The following PDE1C variants were observed in gnomAD, a reference collection of about 807,000 sequenced individuals.
The protein encoded by PDE1C is phosphodiesterase 1C.
A neutral mutation model predicts 93.1 loss-of-function variants in PDE1C; 62 were observed. The observed-to-expected ratio is 0.67, with a 90% confidence interval of 0.54 to 0.82. The LOEUF (loss-of-function observed/expected upper bound fraction) is 0.82, where lower values mean the gene tolerates loss of function less well. PDE1C is among the 40% of genes least tolerant of loss of function. The pLI is 0.00. For synonymous variants in PDE1C, 325 were observed against 310.1 expected (o/e 1.05, Z -0.50); for missense variants, 742 against 884.6 (o/e 0.84, Z 2.04).
At chr7:32,300,563 G>A (rs1020865095), upstream of PDE1C, among the ~76,000 whole-genome samples, 4 of 152,138 alleles carry the variant, frequency 2.6e-5, no homozygotes, top group Non-Finnish European at 5.9e-5. Context: ...CAGCTACATG[G>A]CCTTGACCTC....
chr7:31,798,068 G>A (rs935249433), intron 16 of PDE1C, among the ~76,000 whole-genome samples: 1 of 151,662 alleles, frequency 6.6e-6, no homozygotes, highest in African/African-American at 2.4e-5. Flanking sequence ...CCCCTTACAT[G>A]TTCAGTTCAC....
chr7:31,979,300 G>C (rs1012455423), intron 2 of PDE1C, among the ~76,000 whole-genome samples: 2 of 151,950 alleles, frequency 1.3e-5, no homozygotes, highest in African/African-American at 4.8e-5. Flanking sequence ...CATGAGAATT[G>C]GACCAGTTAT....
intron 2 of PDE1C, among the ~76,000 whole-genome samples, chr7:31,891,406 AC>A (rs1362213457): frequency 6.6e-6 from 1 of 152,146 alleles, no homozygotes; most frequent in African/African-American, 2.4e-5. Flanking sequence ...TTAAACCTTT[AC>A]TTTCTGCTCC....
chr7:32,052,136 T>C (rs1793468414), intron 1 of PDE1C, among the ~76,000 whole-genome samples: 1 of 152,108 alleles, frequency 6.6e-6, no homozygotes, highest in Non-Finnish European at 1.5e-5. Flanking sequence ...AACTATGAGA[T>C]GAGACATAAG....
At chr7:31,848,136 T>A in intron 8 of PDE1C, 40 bp from the exon 9 acceptor site, 1 of 1,602,474 alleles carries the variant, frequency 6.2e-7, no homozygotes, top group Non-Finnish European at 8.5e-7. Context: ...TGTTAAACAG[T>A]TGTGATTTAC....
chr7:31,712,414 G>A, the PDE1C span, among the ~76,000 whole-genome samples: 1 of 152,338 alleles, frequency 6.6e-6, no homozygotes, highest in African/African-American at 2.4e-5. Flanking sequence ...TAGTCGCTAT[G>A]GAGCCGAACA....
At chr7:31,645,230 C>T in the PDE1C span, among the ~76,000 whole-genome samples, 1 of 152,106 alleles carries the variant, frequency 6.6e-6, no homozygotes, top group Non-Finnish European at 1.5e-5. Context: ...GTAGAATTAA[C>T]ATTAGAAAGT....
chr7:31,922,480 T>G lies in PDE1C; in HGVS notation c.129-41620A>C, dbSNP rs1802753970. On this transcript the variant is annotated intron_variant, in intron 2 of 17. Transcript: ENST00000396191. The stretch of plus-strand genomic sequence containing the variant: ...ACTAACTTTTCTGCATGCCTATTTT[T>G]CTGAATATGTATAAATGTTTATTTT... 1.3e-5 allele frequency among the ~76,000 whole-genome samples: 2 copies of G among 152,348 alleles called. 1 individual carries two copies. The highest frequency in any genetic ancestry group is 4.1e-4 in the South Asian group (2 of 4,830).
intron 2 of PDE1C, 106 bp from the exon 3 acceptor site, chr7:31,880,966 GA>G (rs1238651323): frequency 2.8e-6 from 2 of 723,310 alleles, no homozygotes; most frequent in East Asian, 2.7e-5. Flanking sequence ...CACTTATTCT[GA>G]TACATCTGAA....
At chr7:31,742,082 A>G in the PDE1C span, among the ~76,000 whole-genome samples, 1 of 152,242 alleles carries the variant, frequency 6.6e-6, no homozygotes, top group East Asian at 1.9e-4. Flanking sequence ...TGAACAAAGG[A>G]ATGAATCAGT....
intron 2 of PDE1C, among the ~76,000 whole-genome samples, chr7:32,000,660 A>G (rs1404535197): frequency 6.6e-6 from 1 of 152,102 alleles, no homozygotes; most frequent in Non-Finnish European, 1.5e-5. Context: ...GGTGCCCAAG[A>G]TGAGCCCTGG....
At chr7:31,677,919 A>G in the PDE1C span, among the ~76,000 whole-genome samples, 1 of 152,182 alleles carries the variant, frequency 6.6e-6, no homozygotes, top group African/African-American at 2.4e-5. Context: ...TAAGAATCTT[A>G]GGATCATTTG....
At chr7:31,977,439 T>A (rs756106478) in intron 2 of PDE1C, among the ~76,000 whole-genome samples, 2 of 152,160 alleles carry the variant, frequency 1.3e-5, no homozygotes, top group Non-Finnish European at 2.9e-5. Context: ...GAAAACAGAC[T>A]AAGACAATAC....
At chr7:32,115,851 TGTCATCAGAG>T (rs1798957689) in intron 3 of PDE1C, among the ~76,000 whole-genome samples, 1 of 152,154 alleles carries the variant, frequency 6.6e-6, no homozygotes, top group South Asian at 2.1e-4. Context: ...TGAAGAGAAC[TGTCATCAGAG>T]GCAAGAATTC....
In PDE1C at chr7:32,247,839, G is replaced by A. The variant is rs894516293; in HGVS notation, c.86-38300C>T. ...TTAAATGCATTTTCAACTTACAATGGTTTTATCAGGACATAACCCCATCAT... is the reference window on the plus strand; with the variant it reads ...TTAAATGCATTTTCAACTTACAATGATTTTATCAGGACATAACCCCATCAT... On this transcript the variant is annotated intron_variant, in intron 1 of 18. Transcript: ENST00000396193. Among the ~76,000 whole-genome samples the A allele has an allele frequency of 9.2e-5, 14 of 152,098 alleles. 1 individual carries two copies. The highest frequency in any genetic ancestry group is 1.9e-4 in the Non-Finnish European group (13 of 68,018).
chr7:31,732,107 G>A, the PDE1C span, among the ~76,000 whole-genome samples: 1 of 152,240 alleles, frequency 6.6e-6, no homozygotes, highest in Non-Finnish European at 1.5e-5. Flanking sequence ...GATGCGAGGT[G>A]CGGGAGGAGG....
chr7:31,995,673 A>C (rs1784631708), intron 2 of PDE1C, among the ~76,000 whole-genome samples: 1 of 152,120 alleles, frequency 6.6e-6, no homozygotes, highest in South Asian at 2.1e-4. Context: ...TTTTCTACTC[A>C]ACTTTGAAAT....
chr7:32,192,592 T>C (rs1309542748), intron 2 of PDE1C, among the ~76,000 whole-genome samples: 2 of 152,132 alleles, frequency 1.3e-5, no homozygotes, highest in Non-Finnish European at 2.9e-5. Flanking sequence ...ATCAATGTAG[T>C]TATATAGGCC....
chr7:31,755,312 T>C (rs533757078), intron 17 of PDE1C, among the ~76,000 whole-genome samples: 28 of 152,326 alleles, frequency 1.8e-4, no homozygotes, highest in African/African-American at 6.7e-4. Flanking sequence ...GATATGTGTA[T>C]GTACATGAGT....
Sources: allele counts gnomAD v4.1 joint callset (sites outside exome capture counted in the v4.1 genomes callset), GRCh38; gene constraint gnomAD v4.1.1; transcripts MANE v1.5; gene names NCBI Gene and HGNC (gene_info 2026-07-23, HGNC 2026-07-21).